Variants in CCDC171 observed in about 807,000 individuals in gnomAD.
The protein encoded by CCDC171 is coiled-coil domain-containing protein 171.
A neutral mutation model predicts 168.2 loss-of-function variants in CCDC171; 177 were observed. The ratio of observed to expected loss-of-function variants is 1.05; its 90% CI spans 0.93 to 1.19. The LOEUF (loss-of-function observed/expected upper bound fraction) is 1.19. Among genes scored for constraint, CCDC171 ranks in the 50% most tolerant of loss-of-function variants. The probability of loss-of-function intolerance (pLI) is 0.00; values close to 1 mark genes in which losing one functional copy is unlikely to be tolerated. For synonymous variants in CCDC171, 687 were observed against 540.8 expected (o/e 1.27, Z -3.75); for missense variants, 1,991 against 1,539.0 (o/e 1.29, Z -4.91).
intron 1 of CCDC171, among the ~76,000 whole-genome samples, chr9:15,559,541 A>G (rs989467846): frequency 2.0e-5 from 3 of 152,072 alleles, no homozygotes; most frequent in Non-Finnish European, 4.4e-5. Context: ...CTTATCAGAG[A>G]TTAGGATTGC....
At chr9:15,844,842 A>G (rs566993526) in intron 21 of CCDC171, among the ~76,000 whole-genome samples, 1 of 152,196 alleles carries the variant, frequency 6.6e-6, no homozygotes, top group South Asian at 2.1e-4. Flanking sequence ...GGTTTATGAT[A>G]ATTTCAAAGT....
chr9:15,642,343 G>GTATATATATATATA (rs55976539), intron 7 of CCDC171, among the ~76,000 whole-genome samples: 6 of 107,550 alleles, frequency 5.6e-5, no homozygotes, highest in Admixed American at 1.7e-4. Flanking sequence ...GTGTGTGTGT[G>GTATATATATATATA]TATATATATA....
chr9:15,921,070 G>A (rs541099765), intron 25 of CCDC171, among the ~76,000 whole-genome samples: 2 of 151,678 alleles, frequency 1.3e-5, no homozygotes, highest in African/African-American at 4.8e-5. Flanking sequence ...CCCTCAAAAG[G>A]CTGATATGTC....
chr9:15,800,456 T>G (rs1430942600), intron 21 of CCDC171, among the ~76,000 whole-genome samples: 1 of 152,114 alleles, frequency 6.6e-6, no homozygotes, highest in Non-Finnish European at 1.5e-5. Flanking sequence ...TAAAATCAGA[T>G]TATTAGATTT....
intron 21 of CCDC171, among the ~76,000 whole-genome samples, chr9:15,838,394 T>C (rs1189938520): frequency 6.6e-6 from 1 of 152,190 alleles, no homozygotes; most frequent in Non-Finnish European, 1.5e-5. Flanking sequence ...ATTTCTTTAA[T>C]TAGACAGTTA....
intron 7 of CCDC171, 60 bp downstream of exon 7, chr9:15,623,473 G>GCACACACACACACACACACACACA (rs1310330705): frequency 2.2e-6 from 1 of 455,358 alleles, no homozygotes; most frequent in African/African-American, 3.7e-5. Context: ...ATGCGCGCGC[G>GCACACACACACACACACACACACA]CGCACACACA....
chr9:16,106,522 A>G, the CCDC171 span, among the ~76,000 whole-genome samples: 3 of 152,128 alleles, frequency 2.0e-5, no homozygotes, highest in Admixed American at 1.3e-4. Flanking sequence ...CAAAACCCCA[A>G]AGGGTTTCCC....
At chr9:15,819,213 C>T (rs2059672675) in intron 21 of CCDC171, among the ~76,000 whole-genome samples, 1 of 117,848 alleles carries the variant, frequency 8.5e-6, no homozygotes, top group Admixed American at 8.1e-5. Context: ...TGGAAAGGAA[C>T]AACTGGTACT....
At chr9:15,856,533 A>T (rs2061355381) in intron 23 of CCDC171, among the ~76,000 whole-genome samples, 1 of 151,928 alleles carries the variant, frequency 6.6e-6, no homozygotes, top group Admixed American at 6.6e-5. Context: ...AAGGCTGATT[A>T]TTTCCTTCCT....
intron 23 of CCDC171, among the ~76,000 whole-genome samples, chr9:15,870,793 T>C (rs1254960830): frequency 8.2e-5 from 1 of 12,248 alleles, no homozygotes; most frequent in African/African-American, 1.1e-4. Flanking sequence ...CAGAAATAGC[T>C]TTTTTTTTTG....
chr9:15,784,426 A>C (rs2057829597), intron 20 of CCDC171, 83 bp from the exon 21 acceptor site: 2 of 817,372 alleles, frequency 2.4e-6, no homozygotes, highest in South Asian at 2.3e-5. Context: ...TGTTTGTATT[A>C]TATTCCTTTA....
At chr9:15,964,178 C>G (rs1175365145) in intron 25 of CCDC171, among the ~76,000 whole-genome samples, 1 of 152,162 alleles carries the variant, frequency 6.6e-6, no homozygotes, top group East Asian at 1.9e-4. Context: ...AGAGTTTTCT[C>G]TTACAACTGA....
At chr9:15,946,598 A>C (rs559461134) in intron 25 of CCDC171, among the ~76,000 whole-genome samples, 31 of 152,082 alleles carry the variant, frequency 2.0e-4, no homozygotes, top group Non-Finnish European at 4.4e-4. Context: ...ATACTGCCCA[A>C]GGTAATTTCT....
chr9:16,027,867 A>C (rs1229220947), intron 6 of CCDC171, among the ~76,000 whole-genome samples: 1 of 152,150 alleles, frequency 6.6e-6, no homozygotes, highest in Non-Finnish European at 1.5e-5. Context: ...GAATTGGGAA[A>C]TATTGTTTGC....
Position 15,715,118 on chromosome 9 carries a change from C to G in CCDC171, c.1319-6651C>G, listed in dbSNP as rs532082228. Among the ~76,000 whole-genome samples the G allele has an allele frequency of 3.9e-5, 6 of 152,322 alleles. No homozygotes were observed. The South Asian group carries it at 1.2e-3, about 32-fold the overall frequency. On this transcript the variant is annotated intron_variant, in intron 11 of 25. Transcript: ENST00000380701. ...TGCCTTCTAGCCACATGGAGCTTAT[C>G]AAGCTACACAGAACTCATCAACGAA...
chr9:15,597,696 A>AT (rs1452402975), intron 6 of CCDC171, among the ~76,000 whole-genome samples: 1 of 152,074 alleles, frequency 6.6e-6, no homozygotes, highest in African/African-American at 2.4e-5. Context: ...TTTTCTATTG[A>AT]TTGGAATAGT....
chr9:16,030,463 T>C (rs1833348025), intron 6 of CCDC171, among the ~76,000 whole-genome samples: 1 of 152,156 alleles, frequency 6.6e-6, no homozygotes, highest in African/African-American at 2.4e-5. Flanking sequence ...TTTTAGTACA[T>C]AGTCTATAGG....
At chr9:16,070,550 G>C in the CCDC171 span, among the ~76,000 whole-genome samples, 2 of 152,190 alleles carry the variant, frequency 1.3e-5, no homozygotes, top group Non-Finnish European at 2.9e-5. Context: ...GGGTTGAGGG[G>C]CTGTGAGCTG....
chr9:16,089,057 C>G, the CCDC171 span, among the ~76,000 whole-genome samples: 1 of 152,056 alleles, frequency 6.6e-6, no homozygotes, highest in Non-Finnish European at 1.5e-5. Context: ...AATAACACCA[C>G]ACAGCTACAA....
Sources: allele counts gnomAD v4.1 joint callset (sites outside exome capture counted in the v4.1 genomes callset), GRCh38; gene constraint gnomAD v4.1.1; transcripts MANE v1.5; gene names NCBI Gene and HGNC (gene_info 2026-07-23, HGNC 2026-07-21).